Variants in BICC1 observed in about 807,000 individuals in gnomAD.
BICC1 encodes the protein BicC family RNA binding protein 1, also known as protein bicaudal C homolog 1.
BICC1 carries 43 observed loss-of-function variants against 111.0 expected under a neutral mutation model. That is an observed-to-expected ratio of 0.39 (90% CI 0.30 to 0.50). The LOEUF (loss-of-function observed/expected upper bound fraction) is 0.50, where lower values mean the gene tolerates loss of function less well. Ranked by LOEUF, BICC1 falls within the 20% of genes least tolerant of loss-of-function variation. The pLI is 0.88. For synonymous variants in BICC1, 467 were observed against 434.4 expected, an observed-to-expected ratio of 1.07 and a Z score of -0.93; for missense variants, 1,091 against 1,203.2, an observed-to-expected ratio of 0.91 and a Z score of 1.38.
chr10:58,827,969 T>C (rs1238192842), intron 20 of BICC1, among the ~76,000 whole-genome samples: 1 of 152,148 alleles, frequency 6.6e-6, no homozygotes, highest in Non-Finnish European at 1.5e-5. Context: ...ACTTAATGAA[T>C]AAGTAAATAT....
intron 1 of BICC1, among the ~76,000 whole-genome samples, chr10:58,567,340 T>G (rs1380349831): frequency 2.0e-5 from 3 of 152,024 alleles, no homozygotes; most frequent in Admixed American, 6.6e-5. Flanking sequence ...TTTGGATGAT[T>G]TTTTCTCCCT....
chr10:58,532,148 A>C (rs1593674), intron 1 of BICC1, among the ~76,000 whole-genome samples: 69,583 of 151,454 alleles, frequency 0.46, 17,012 homozygotes, highest in Admixed American at 0.62. Flanking sequence ...TTCCAAAAAC[A>C]AAAATCTTAA....
At chr10:58,723,602 T>A (rs79082009) in intron 3 of BICC1, among the ~76,000 whole-genome samples, 2 of 152,018 alleles carry the variant, frequency 1.3e-5, no homozygotes, top group Non-Finnish European at 2.9e-5. Flanking sequence ...AAAGATGAAA[T>A]GTTCAGCTGA....
intron 3 of BICC1, among the ~76,000 whole-genome samples, chr10:58,764,502 A>G (rs1474951493): frequency 6.6e-6 from 1 of 152,198 alleles, no homozygotes; most frequent in Non-Finnish European, 1.5e-5. Context: ...AAAAGTATAT[A>G]GAAAGTGAAG....
At chr10:58,772,226 C>G (rs920662215) in intron 3 of BICC1, among the ~76,000 whole-genome samples, 2 of 152,112 alleles carry the variant, frequency 1.3e-5, no homozygotes, top group Non-Finnish European at 2.9e-5. Context: ...AGATCTAATT[C>G]TGTAGCCAAA....
At chr10:58,792,595 A>G (rs1372056229) in intron 8 of BICC1, among the ~76,000 whole-genome samples, 1 of 152,142 alleles carries the variant, frequency 6.6e-6, no homozygotes, top group African/African-American at 2.4e-5. Flanking sequence ...CATGAACCCT[A>G]TTGTGAACCG....
chr10:58,585,922 G>C (rs1057275234), intron 1 of BICC1, among the ~76,000 whole-genome samples: 2 of 152,082 alleles, frequency 1.3e-5, no homozygotes, highest in African/African-American at 2.4e-5. Flanking sequence ...TGAAAGGTAG[G>C]GGCTGGTATT....
At chr10:58,727,156 AG>A (rs1311821047) in intron 3 of BICC1, among the ~76,000 whole-genome samples, 1 of 152,222 alleles carries the variant, frequency 6.6e-6, no homozygotes, top group Non-Finnish European at 1.5e-5. Context: ...ACTATACCAT[AG>A]AAAATGGAAT....
rs745880973 is a variant in BICC1 at position 58,607,351 on chromosome 10, A to G, written c.191-13504A>G. On this transcript the variant is annotated intron_variant, in intron 1 of 20. Transcript: ENST00000373886. ...AAATAAATAAATAAATAAAACTGTC[A>G]TGCTACTGTTTTTTCTTTTGGGATG... Among the ~76,000 whole-genome samples, 93 of 152,040 alleles carry G rather than the reference A, an allele frequency of 6.1e-4. 1 individual carries two copies. The highest frequency in any genetic ancestry group is 1.1e-3 in the Non-Finnish European group (73 of 67,988).
chr10:58,671,410 A>C (rs1247205627), intron 2 of BICC1, among the ~76,000 whole-genome samples: 1 of 152,112 alleles, frequency 6.6e-6, no homozygotes, highest in Non-Finnish European at 1.5e-5. Context: ...GGAACTGTGG[A>C]TATCACAGTC....
chr10:58,760,048 G>A (rs1469042551), intron 3 of BICC1, among the ~76,000 whole-genome samples: 1 of 151,938 alleles, frequency 6.6e-6, no homozygotes, highest in Non-Finnish European at 1.5e-5. Flanking sequence ...AATGTGACAC[G>A]ATGTTAGCTG....
intron 20 of BICC1, among the ~76,000 whole-genome samples, chr10:58,827,817 G>A (rs1299885807): frequency 1.3e-5 from 2 of 152,110 alleles, no homozygotes. Context: ...TACACCAAAT[G>A]TGCCTGCCTC....
At chr10:58,597,274 C>G (rs953761488) in intron 1 of BICC1, among the ~76,000 whole-genome samples, 12 of 151,938 alleles carry the variant, frequency 7.9e-5, no homozygotes, top group Non-Finnish European at 1.5e-4. Context: ...TTAAGGGTTT[C>G]AAAAGGGGAG....
At chr10:58,591,953 T>C (rs1844633505) in intron 1 of BICC1, among the ~76,000 whole-genome samples, 2 of 152,240 alleles carry the variant, frequency 1.3e-5, no homozygotes. Flanking sequence ...AGTGGTGTTG[T>C]TTATTGTTTT....
rs1363235251 is a variant in BICC1, at chr10:58,606,570, AAAT to A, written c.191-14282_191-14280del. ...TAAAACTTAAAGTATAATAATAAAT[AAAT>A]AAATAAAATAAATTTTCCCTAGAAT... On this transcript the variant is annotated intron_variant, in intron 1 of 20. Transcript: ENST00000373886. Among the ~76,000 whole-genome samples the A allele has an allele frequency of 3.4e-4, 51 of 152,180 alleles. 1 individual carries two copies. Among genetic ancestry groups the A allele is most frequent in the Non-Finnish European group, 6.9e-4 (47 of 68,020 alleles).
At chr10:58,725,836 G>C (rs1841087567) in intron 3 of BICC1, among the ~76,000 whole-genome samples, 1 of 152,098 alleles carries the variant, frequency 6.6e-6, no homozygotes, top group African/African-American at 2.4e-5. Context: ...CAGGGAAAAG[G>C]GAATAATTTT....
intron 19 of BICC1, among the ~76,000 whole-genome samples, chr10:58,818,694 TTC>T (rs1040193692): frequency 2.6e-5 from 4 of 152,148 alleles, no homozygotes; most frequent in Admixed American, 2.6e-4. Flanking sequence ...GATTTTTTTT[TTC>T]TGTTTCCCCT....
chr10:58,683,673 T>G lies in BICC1; in HGVS notation c.238-18401T>G, dbSNP rs1378304347. 3.3e-5 allele frequency among the ~76,000 whole-genome samples: 5 copies of G among 152,178 alleles called. No homozygotes were observed. In the East Asian group the frequency reaches 7.7e-4, roughly 23 times the overall value. On this transcript the variant is annotated intron_variant, in intron 2 of 20. Transcript: ENST00000373886. ...AATAGGAGTTCACTCATGATTTGGC[T>G]GTCTGTCTGTTATTGGTGTATAGGA...
intron 20 of BICC1, among the ~76,000 whole-genome samples, chr10:58,826,557 C>T (rs1844401796): frequency 3.3e-5 from 1 of 30,732 alleles, no homozygotes; most frequent in African/African-American, 1.0e-4. Flanking sequence ...CGAGACCATC[C>T]TGGCTAACAC....
Sources: allele counts gnomAD v4.1 joint callset (sites outside exome capture counted in the v4.1 genomes callset), GRCh38; gene constraint gnomAD v4.1.1; transcripts MANE v1.5; gene names NCBI Gene and HGNC (gene_info 2026-07-23, HGNC 2026-07-21).